DIP2C: variants seen among roughly 807,000 people sequenced by gnomAD.
DIP2C encodes the protein DIP2 acetate--CoA ligase C (putative).
In DIP2C, 33 loss-of-function variants were observed where a neutral mutation model predicts 192.4. That is an observed-to-expected ratio of 0.17 (90% CI 0.13 to 0.23). The LOEUF (loss-of-function observed/expected upper bound fraction) is 0.23. DIP2C is among the 10% of genes least tolerant of loss of function. The pLI, the probability that DIP2C is intolerant of heterozygous loss-of-function variation, is 1.00. For synonymous variants in DIP2C, 979 were observed against 864.1 expected (o/e 1.13, Z -2.33); for missense variants, 1,537 against 2,110.1 (o/e 0.73, Z 5.32).
chr10:319,150 T>A (rs1249325161), intron 31 of DIP2C, among the ~76,000 whole-genome samples: 2 of 152,094 alleles, frequency 1.3e-5, no homozygotes, highest in Non-Finnish European at 2.9e-5. Flanking sequence ...TGACCTCAAA[T>A]AATCCACCCG....
chr10:274,534 C>T lies in DIP2C; in HGVS notation c.*2791G>A, dbSNP rs965198143. 3 of 152,184 alleles carry T rather than the reference C, an allele frequency of 2.0e-5. No homozygotes were observed. The highest frequency in any genetic ancestry group is 2.9e-5 in the Non-Finnish European group (2 of 68,026). The allele number at this position is 152,184 out of a possible 1,614,324, so 9.4% of individuals were successfully genotyped here. A position where few individuals can be genotyped will look rare whatever the true frequency, so the allele number is the denominator to read the frequency against. ...CAGGCGTTATCACAGATGTACAAAG[C>T]GTACTGGTGGTTTAACATACAAGAA... On this transcript the variant is annotated 3_prime_UTR_variant, in exon 37 of 37. Coordinates refer to ENST00000280886, the MANE Select transcript of DIP2C (RefSeq NM_014974.3).
intron 3 of DIP2C, among the ~76,000 whole-genome samples, chr10:462,488 C>T (rs1969872087): frequency 1.3e-5 from 2 of 152,104 alleles, no homozygotes. Flanking sequence ...AAGCTGAATC[C>T]CTGAATAGAC....
chr10:287,478 C>G (rs533247434), intron 33 of DIP2C, among the ~76,000 whole-genome samples: 1 of 152,144 alleles, frequency 6.6e-6, no homozygotes, highest in African/African-American at 2.4e-5. Context: ...GATTTCAGGG[C>G]TCTGGATTCT....
At chr10:401,455 C>A (rs1422140023) in intron 9 of DIP2C, among the ~76,000 whole-genome samples, 1 of 150,752 alleles carries the variant, frequency 6.6e-6, no homozygotes, top group African/African-American at 2.5e-5. Context: ...CGTTACTATT[C>A]CTTATGGACA....
chr10:446,371 C>A (rs1052301630), intron 3 of DIP2C, among the ~76,000 whole-genome samples: 1 of 152,096 alleles, frequency 6.6e-6, no homozygotes, highest in Non-Finnish European at 1.5e-5. Context: ...GTCCACTGGG[C>A]ATCTGTATAC....
chr10:440,882 T>C lies in DIP2C; in HGVS notation c.383A>G (p.Tyr128Cys), dbSNP rs1267885212. 2 of 1,612,616 alleles carry C rather than the reference T, an allele frequency of 1.2e-6. No individual in the cohort carries two copies. The highest frequency in any genetic ancestry group is 2.7e-5 in the African/African-American group (2 of 74,880). The change falls in exon 4 of 37, where the codon TAC becomes TGC. Residue 128 changes from tyrosine to cysteine, a missense_variant. By Grantham distance (194) the Tyr-to-Cys change is radical (BLOSUM62 -2). Coordinates refer to ENST00000280886, the MANE Select transcript of DIP2C (RefSeq NM_014974.3). ...SLVVQTSMDA[Y>C]TPPDTSSGSE... is the part of the protein sequence containing the mutation. ...AGCGTGTCCCTTACCTGGAGGGGTGTAGGCGTCCATCGAGGTCTGCACGAC... is the reference window on the plus strand; with the variant it reads ...AGCGTGTCCCTTACCTGGAGGGGTGCAGGCGTCCATCGAGGTCTGCACGAC...
At chr10:419,493 G>A (rs1966029041) in intron 5 of DIP2C, among the ~76,000 whole-genome samples, 2 of 152,240 alleles carry the variant, frequency 1.3e-5, no homozygotes, top group South Asian at 2.1e-4. Flanking sequence ...GGCAATGGCA[G>A]GGCGTCAGGA....
At chr10:580,272 T>C (rs1850532731) in intron 1 of DIP2C, among the ~76,000 whole-genome samples, 2 of 151,034 alleles carry the variant, frequency 1.3e-5, no homozygotes, top group East Asian at 1.9e-4. Context: ...ATGCAGTACA[T>C]AGTGTATGTA....
intron 1 of DIP2C, among the ~76,000 whole-genome samples, chr10:524,027 G>A (rs913950748): frequency 2.6e-5 from 4 of 152,186 alleles, no homozygotes; most frequent in Admixed American, 1.3e-4. Context: ...ACTCCCAGGA[G>A]GCCGTGCAAT....
chr10:392,721 C>T (rs1013340120), intron 10 of DIP2C, among the ~76,000 whole-genome samples: 4 of 136,222 alleles, frequency 2.9e-5, no homozygotes, highest in African/African-American at 5.6e-5. Context: ...GGTACACACG[C>T]GCCCAGGTAC....
At chr10:479,942 C>T (rs1843467453) in intron 2 of DIP2C, among the ~76,000 whole-genome samples, 2 of 146,422 alleles carry the variant, frequency 1.4e-5, no homozygotes, top group Admixed American at 1.4e-4. Context: ...TGAGTCTCAC[C>T]CGCCAGCCTG....
At chr10:390,143 T>C in intron 12 of DIP2C, 50 bp from the exon 13 acceptor site, 1 of 1,585,226 alleles carries the variant, frequency 6.3e-7, no homozygotes, top group Admixed American at 1.7e-5. Context: ...GTCACGGCAG[T>C]TTTTCTGGTT....
chr10:277,189 CTCCTCCTCT>C lies in DIP2C; in HGVS notation c.*127_*135del. ...GTGGCTGCTGTGAGAAGTCCTCTTC[CTCCTCCTCT>C]TCCTCCTCCACTCTCACCACAAATG... On this transcript the variant is annotated 3_prime_UTR_variant, in exon 37 of 37. Coordinates refer to ENST00000280886, the MANE Select transcript of DIP2C (RefSeq NM_014974.3). 1 of 1,341,622 alleles carries C rather than the reference CTCCTCCTCT, an allele frequency of 7.5e-7. No individual in the cohort carries two copies. Among genetic ancestry groups the C allele is most frequent in the South Asian group, 1.4e-5 (1 of 69,348 alleles). The allele number at this position is 1,341,622 out of a possible 1,614,324, so 83.1% of individuals were successfully genotyped here.
intron 1 of DIP2C, among the ~76,000 whole-genome samples, chr10:513,264 C>T (rs995220174): frequency 2.6e-5 from 4 of 152,292 alleles, no homozygotes; most frequent in East Asian, 3.9e-4. Context: ...ACATAAGCTA[C>T]TAAATTAATG....
chr10:533,793 C>T (rs1847548064), intron 1 of DIP2C, among the ~76,000 whole-genome samples: 1 of 152,108 alleles, frequency 6.6e-6, no homozygotes, highest in African/African-American at 2.4e-5. Context: ...CTCAACCCTC[C>T]TGAGGCCGTG....
At chr10:563,419 A>C (rs1849314913) in intron 1 of DIP2C, among the ~76,000 whole-genome samples, 1 of 152,248 alleles carries the variant, frequency 6.6e-6, no homozygotes, top group Non-Finnish European at 1.5e-5. Context: ...AAATTAGTAG[A>C]ATTTACCAAA....
intron 1 of DIP2C, among the ~76,000 whole-genome samples, chr10:584,548 C>CCA (rs1257629735): frequency 9.8e-6 from 1 of 102,228 alleles, no homozygotes; most frequent in African/African-American, 3.9e-5. Flanking sequence ...CTCACGGGCA[C>CCA]CACCTCTCTA....
intron 17 of DIP2C, among the ~76,000 whole-genome samples, chr10:373,708 C>A (rs1030124086): frequency 2.6e-5 from 4 of 152,184 alleles, no homozygotes; most frequent in Non-Finnish European, 5.9e-5. Context: ...TCTAGACTTG[C>A]TGGCTCCTTG....
intron 1 of DIP2C, among the ~76,000 whole-genome samples, chr10:542,448 G>A (rs1346816524): frequency 6.6e-6 from 1 of 152,172 alleles, no homozygotes; most frequent in Non-Finnish European, 1.5e-5. Context: ...TGTCAAAGAG[G>A]CAGGACCCAC....
Sources: gnomAD v4.1 joint callset for allele counts (sites outside exome capture counted in the v4.1 genomes callset) on GRCh38, gnomAD v4.1.1 for gene constraint, MANE v1.5 for transcripts, NCBI Gene and HGNC (gene_info 2026-07-23, HGNC 2026-07-21) for gene names.